CHCHD3: variants seen among roughly 807,000 people sequenced by gnomAD.
CHCHD3 encodes the protein coiled-coil-helix-coiled-coil-helix domain containing 3.
In CHCHD3, 20 loss-of-function variants were observed where a neutral mutation model predicts 38.2. The observed-to-expected ratio is 0.52, with a 90% CI of 0.37 to 0.76. CHCHD3 has a LOEUF of 0.76. Ranked by LOEUF, CHCHD3 falls within the 30% of genes least tolerant of loss-of-function variation. The pLI, the probability that CHCHD3 is intolerant of heterozygous loss-of-function variation, is 0.00. For synonymous variants in CHCHD3, 82 were observed against 100.0 expected (o/e 0.82, Z 1.07); for missense variants, 245 against 279.2 (o/e 0.88, Z 0.87).
At chr7:132,865,418 T>C (rs1808593971) in intron 5 of CHCHD3, among the ~76,000 whole-genome samples, 1 of 152,114 alleles carries the variant, frequency 6.6e-6, no homozygotes, top group South Asian at 2.1e-4. Flanking sequence ...CCACAAAAAC[T>C]GGGGACTCAG....
At chr7:132,831,907 T>C (rs919947929) in intron 6 of CHCHD3, among the ~76,000 whole-genome samples, 2 of 152,158 alleles carry the variant, frequency 1.3e-5, no homozygotes, top group African/African-American at 4.8e-5. Context: ...AAACTGTCCA[T>C]GATACACATG....
intron 4 of CHCHD3, among the ~76,000 whole-genome samples, chr7:132,929,759 G>A (rs765954742): frequency 2.0e-5 from 3 of 152,308 alleles, no homozygotes; most frequent in East Asian, 3.9e-4. Context: ...TGGGCCCAGA[G>A]AGACAGGAAG....
intron 4 of CHCHD3, among the ~76,000 whole-genome samples, chr7:132,958,433 A>G (rs1357887648): frequency 2.6e-5 from 4 of 152,036 alleles, no homozygotes; most frequent in Admixed American, 6.6e-5. Flanking sequence ...GAAGTATGAG[A>G]AAAAAAAGGA....
At position 132,913,948 on chromosome 7, in the gene CHCHD3, CTTT is replaced by C. The variant is rs71178066; in HGVS notation, c.370-28206_370-28204del. ...AAGGCTCTGTAAACGTTTTCTTTTTCTTTTTTTTTTTTTTTTTTTTTGAGATGG... is the reference window on the plus strand; with the variant it reads ...AAGGCTCTGTAAACGTTTTCTTTTTCTTTTTTTTTTTTTTTTTTGAGATGG... On this transcript the variant is annotated intron_variant, in intron 4 of 7. Transcript: ENST00000262570. Among the ~76,000 whole-genome samples the C allele has an allele frequency of 9.2e-3, 943 of 102,314 alleles. 7 individuals are homozygous for C. Among genetic ancestry groups the C allele is most frequent in the African/African-American group, 0.026 (701 of 26,960 alleles). The allele number at this position is 102,314 out of a possible 152,430, so 67.1% of individuals were successfully genotyped here.
chr7:132,878,344 T>C (rs1050917628), intron 5 of CHCHD3, among the ~76,000 whole-genome samples: 2 of 125,230 alleles, frequency 1.6e-5, no homozygotes, highest in African/African-American at 2.7e-5. Context: ...AAGGTACTAA[T>C]TGAGAAAGAA....
At chr7:133,075,466 C>T (rs1814951397) in intron 1 of CHCHD3, among the ~76,000 whole-genome samples, 1 of 152,208 alleles carries the variant, frequency 6.6e-6, no homozygotes, top group Admixed American at 6.5e-5. Context: ...TATTCCCAGT[C>T]TGCTCATAGC....
intron 3 of CHCHD3, among the ~76,000 whole-genome samples, chr7:132,978,661 G>C (rs1811836433): frequency 6.6e-6 from 1 of 152,144 alleles, no homozygotes; most frequent in Non-Finnish European, 1.5e-5. Context: ...TATCCTCCAA[G>C]GGCTTAGCCA....
chr7:133,024,141 G>A (rs1489711148), intron 3 of CHCHD3, among the ~76,000 whole-genome samples: 3 of 152,060 alleles, frequency 2.0e-5, no homozygotes, highest in Admixed American at 1.3e-4. Flanking sequence ...TTGTTAATCC[G>A]GGCACTATGT....
chr7:132,802,437 T>C (rs1806816890), intron 6 of CHCHD3, among the ~76,000 whole-genome samples: 1 of 152,116 alleles, frequency 6.6e-6, no homozygotes, highest in South Asian at 2.1e-4. Context: ...CTGTATGGGC[T>C]CACCCAGCAC....
At chr7:133,079,324 A>C (rs1218924961) in intron 1 of CHCHD3, among the ~76,000 whole-genome samples, 1 of 152,258 alleles carries the variant, frequency 6.6e-6, no homozygotes. Flanking sequence ...GGCTTTGTCC[A>C]GAAATACTAA....
At chr7:132,860,316 A>AAAGAG (rs1554377219) in intron 5 of CHCHD3, among the ~76,000 whole-genome samples, 3 of 134,718 alleles carry the variant, frequency 2.2e-5, no homozygotes, top group Non-Finnish European at 3.4e-5. Flanking sequence ...GAGAGAGAGA[A>AAAGAG]AGAGAGAGAG....
chr7:132,872,464 T>G (rs1438482391), intron 5 of CHCHD3, among the ~76,000 whole-genome samples: 1 of 152,216 alleles, frequency 6.6e-6, no homozygotes, highest in Non-Finnish European at 1.5e-5. Flanking sequence ...AATTTCTGGT[T>G]ATATTTCCCC....
chr7:132,905,531 C>A (rs1402862917), intron 4 of CHCHD3, among the ~76,000 whole-genome samples: 1 of 151,674 alleles, frequency 6.6e-6, no homozygotes, highest in Non-Finnish European at 1.5e-5. Context: ...GACCTGTGCA[C>A]ATGTTTACCT....
rs544109231 is a variant in CHCHD3 at position 132,932,622 on chromosome 7, C to T, written c.369+42547G>A. On this transcript the variant is annotated intron_variant, in intron 4 of 7. Coordinates refer to ENST00000262570, the MANE Select transcript of CHCHD3 (RefSeq NM_017812.4). Reference sequence around the variant, plus strand: ...TAAGCTGCCGCACACAGGGCCTTCACGTCAAAGGCAGACCACTGATAGACA... The same window carrying T: ...TAAGCTGCCGCACACAGGGCCTTCATGTCAAAGGCAGACCACTGATAGACA... 2.6e-5 allele frequency among the ~76,000 whole-genome samples: 4 copies of T among 152,294 alleles called. No individual in the cohort carries two copies. In the South Asian group the frequency reaches 6.2e-4, roughly 24 times the overall value.
Position 132,982,213 on chromosome 7 carries a change from G to A in CHCHD3, c.252-6927C>T, listed in dbSNP as rs894064059. On this transcript the variant is annotated intron_variant, in intron 3 of 7. Coordinates refer to ENST00000262570, the MANE Select transcript of CHCHD3 (RefSeq NM_017812.4). The stretch of plus-strand genomic sequence containing the variant: ...AGCTTAACACTTCTCAGCTCAAATC[G>A]TTTCAAATCCTGGAAGAAAATATAT... Among the ~76,000 whole-genome samples, 22 of 152,176 alleles carry A rather than the reference G, an allele frequency of 1.4e-4. No individual in the cohort carries two copies. In the South Asian group the frequency reaches 3.9e-3, roughly 27 times the overall value.
chr7:133,003,610 T>C (rs1486078632), intron 3 of CHCHD3, among the ~76,000 whole-genome samples: 2 of 152,204 alleles, frequency 1.3e-5, no homozygotes, highest in Non-Finnish European at 2.9e-5. Flanking sequence ...TTTACTTCTT[T>C]TTTCTTACTA....
At chr7:132,907,593 C>A (rs1005027870) in intron 4 of CHCHD3, among the ~76,000 whole-genome samples, 1 of 152,002 alleles carries the variant, frequency 6.6e-6, no homozygotes, top group African/African-American at 2.4e-5. Context: ...AGTAAGAGGG[C>A]CAGAAAATAA....
chr7:132,878,256 G>A (rs1409947445), intron 5 of CHCHD3, among the ~76,000 whole-genome samples: 1 of 152,084 alleles, frequency 6.6e-6, no homozygotes, highest in Non-Finnish European at 1.5e-5. Context: ...ACAATAACCT[G>A]TTCTGTTGTC....
intron 4 of CHCHD3, among the ~76,000 whole-genome samples, chr7:132,931,068 C>T (rs990867714): frequency 6.6e-6 from 1 of 152,188 alleles, no homozygotes; most frequent in African/African-American, 2.4e-5. Flanking sequence ...GCACTCACCA[C>T]ATAGAGGGCA....
Sources: gnomAD v4.1 joint callset for allele counts (sites outside exome capture counted in the v4.1 genomes callset) on GRCh38, gnomAD v4.1.1 for gene constraint, MANE v1.5 for transcripts, NCBI Gene and HGNC (gene_info 2026-07-23, HGNC 2026-07-21) for gene names.